BCL2L13: variants seen among roughly 807,000 people sequenced by gnomAD.
BCL2L13 encodes BCL2 like 13.
BCL2L13 carries 13 observed loss-of-function variants against 25.8 expected under a neutral mutation model. The ratio of observed to expected loss-of-function variants is 0.50; its 90% CI spans 0.33 to 0.80. The LOEUF (loss-of-function observed/expected upper bound fraction) is 0.80, where lower values mean the gene tolerates loss of function less well. Ranked by LOEUF, BCL2L13 falls within the 30% of genes least tolerant of loss-of-function variation. The pLI, the probability that BCL2L13 is intolerant of heterozygous loss-of-function variation, is 0.02. For synonymous variants in BCL2L13, 244 were observed against 230.3 expected (o/e 1.06, Z -0.54); for missense variants, 504 against 574.9 (o/e 0.88, Z 1.26).
intron 6 of BCL2L13, among the ~76,000 whole-genome samples, chr22:17,710,279 A>AATCTG (rs1242488373): frequency 6.6e-6 from 1 of 151,174 alleles, no homozygotes; most frequent in African/African-American, 2.4e-5. Flanking sequence ...AGCAAGACAT[A>AATCTG]AAGCTATTTA....
intron 6 of BCL2L13, among the ~76,000 whole-genome samples, chr22:17,714,367 G>A (rs180958864): frequency 3.3e-5 from 5 of 152,134 alleles, no homozygotes; most frequent in East Asian, 1.9e-4. Flanking sequence ...CAGGAGAATC[G>A]CTTGAACTCG....
intron 1 of BCL2L13, among the ~76,000 whole-genome samples, chr22:17,631,310 G>A (rs368147998): frequency 6.6e-6 from 1 of 151,644 alleles, no homozygotes; most frequent in South Asian, 2.1e-4. Flanking sequence ...TGGCCAGGCT[G>A]TTCTTGGAAC....
intron 6 of BCL2L13, among the ~76,000 whole-genome samples, chr22:17,720,888 C>CG (rs1203107407): frequency 2.0e-5 from 3 of 151,084 alleles, no homozygotes; most frequent in African/African-American, 7.3e-5. Context: ...AATAACAGGC[C>CG]GGGCGCGGTG....
upstream of BCL2L13, among the ~76,000 whole-genome samples, chr22:17,634,802 G>A (rs2058078773): frequency 6.6e-6 from 1 of 151,876 alleles, no homozygotes; most frequent in African/African-American, 2.4e-5. Flanking sequence ...AAATAAATTA[G>A]CCAGGCTTTC....
intron 6 of BCL2L13, among the ~76,000 whole-genome samples, chr22:17,722,149 A>G (rs560487760): frequency 4.6e-5 from 7 of 152,260 alleles, no homozygotes; most frequent in African/African-American, 1.7e-4. Context: ...CCATTTTCCC[A>G]CAGAGTTATC....
At chr22:17,639,710 T>G (rs1306319249) in intron 1 of BCL2L13, among the ~76,000 whole-genome samples, 2 of 152,188 alleles carry the variant, frequency 1.3e-5, no homozygotes, top group Admixed American at 1.3e-4. Flanking sequence ...TTTATTTTTT[T>G]GTTGTTGTTG....
At chr22:17,678,904 T>C (rs1198459416) in intron 2 of BCL2L13, among the ~76,000 whole-genome samples, 1 of 152,138 alleles carries the variant, frequency 6.6e-6, no homozygotes, top group Non-Finnish European at 1.5e-5. Context: ...GCTTGTTTGG[T>C]TTTTCTGCTG....
At chr22:17,671,895 G>A (rs1201298114) in intron 2 of BCL2L13, among the ~76,000 whole-genome samples, 1 of 152,168 alleles carries the variant, frequency 6.6e-6, no homozygotes, top group African/African-American at 2.4e-5. Context: ...TGTATTTTTA[G>A]TAGAGATGTC....
chr22:17,644,204 C>G (rs909797155), intron 1 of BCL2L13, among the ~76,000 whole-genome samples: 1 of 151,404 alleles, frequency 6.6e-6, no homozygotes, highest in African/African-American at 2.5e-5. Context: ...GCAACTTTGC[C>G]TGGTCTTTTA....
At chr22:17,663,476 C>T (rs1350191792) in intron 2 of BCL2L13, among the ~76,000 whole-genome samples, 2 of 152,076 alleles carry the variant, frequency 1.3e-5, no homozygotes, top group East Asian at 3.8e-4. Flanking sequence ...TATTTATAAT[C>T]TCATCAAACT....
chr22:17,652,296 C>G (rs2058713250), intron 1 of BCL2L13, among the ~76,000 whole-genome samples: 1 of 152,204 alleles, frequency 6.6e-6, no homozygotes, highest in East Asian at 1.9e-4. Flanking sequence ...CCTTGACCTC[C>G]CAAAGTGCTA....
At chr22:17,634,885 C>T (rs1420212706), upstream of BCL2L13, among the ~76,000 whole-genome samples, 1 of 150,308 alleles carries the variant, frequency 6.7e-6, no homozygotes, top group African/African-American at 2.5e-5. Context: ...GAAGTCAAGG[C>T]TAGAGTAAGT....
chr22:17,664,837 T>G (rs1392460698), intron 2 of BCL2L13, among the ~76,000 whole-genome samples: 2 of 152,020 alleles, frequency 1.3e-5, no homozygotes, highest in East Asian at 3.9e-4. Flanking sequence ...ACGACTGGAG[T>G]GGCTGGGATG....
intron 2 of BCL2L13, among the ~76,000 whole-genome samples, chr22:17,678,530 A>G (rs1340309597): frequency 1.3e-5 from 2 of 152,020 alleles, no homozygotes; most frequent in East Asian, 3.9e-4. Flanking sequence ...TCCAATTATA[A>G]CTTCTTTATG....
intron 6 of BCL2L13, chr22:17,703,384 A>G (rs1176249843): frequency 6.6e-6 from 1 of 152,130 alleles, no homozygotes; most frequent in Non-Finnish European, 1.5e-5. Context: ...ATTTGCTACT[A>G]TGGTGGTAGA....
At chr22:17,655,537 C>T in intron 1 of BCL2L13, 125 bp from the exon 2 acceptor site, 2 of 643,886 alleles carry the variant, frequency 3.1e-6, no homozygotes, top group South Asian at 6.3e-5. Flanking sequence ...CCACTGCACT[C>T]CTGCCTGAGC....
At chr22:17,706,232 A>G (rs1004904413) in intron 6 of BCL2L13, among the ~76,000 whole-genome samples, 1 of 150,918 alleles carries the variant, frequency 6.6e-6, no homozygotes, top group African/African-American at 2.4e-5. Flanking sequence ...CTGGTCTCAA[A>G]CTCCTGGCCT....
intron 6 of BCL2L13, among the ~76,000 whole-genome samples, chr22:17,714,802 C>T (rs1201908848): frequency 1.3e-5 from 2 of 151,974 alleles, no homozygotes; most frequent in African/African-American, 4.8e-5. Context: ...TATATTTCCT[C>T]TTCAGAGAGA....
chr22:17,725,380 G>C (rs1473770428), intron 6 of BCL2L13, among the ~76,000 whole-genome samples: 1 of 151,860 alleles, frequency 6.6e-6, no homozygotes, highest in Non-Finnish European at 1.5e-5. Context: ...CTGTCTCTGT[G>C]CTTTTGCCTG....
Sources: allele counts gnomAD v4.1 joint callset (sites outside exome capture counted in the v4.1 genomes callset), GRCh38; gene constraint gnomAD v4.1.1; transcripts MANE v1.5; gene names NCBI Gene and HGNC (gene_info 2026-07-23, HGNC 2026-07-21).